WWOX: variants seen among roughly 807,000 people sequenced by gnomAD.
WWOX encodes the protein WW domain-containing oxidoreductase.
In WWOX, 69 loss-of-function variants were observed where a neutral mutation model predicts 46.2. The ratio of observed to expected loss-of-function variants is 1.49; its 90% CI spans 1.23 to 1.82. The LOEUF (loss-of-function observed/expected upper bound fraction) is 1.82. Among genes scored for constraint, WWOX ranks in the 40% most tolerant of loss-of-function variants. The pLI is 0.00. For missense variants in WWOX, 919 were observed against 542.6 expected (o/e 1.69, Z -6.89); for synonymous variants, 359 against 202.6 (o/e 1.77, Z -6.56).
rs987972953 is a variant in WWOX, at chr16:78,696,075, G to A, written c.1056+263323G>A. Among the ~76,000 whole-genome samples the A allele has an allele frequency of 6.6e-5, 10 of 152,160 alleles. 1 individual carries two copies. Among genetic ancestry groups the A allele is most frequent in the Admixed American group, 3.3e-4 (5 of 15,272 alleles). On this transcript the variant is annotated intron_variant, in intron 8 of 8. Coordinates refer to ENST00000566780, the MANE Select transcript of WWOX (RefSeq NM_016373.4). ...AGCTTTCTGGGTGATTCTGATACAC[G>A]GTCAAGTTTGAGATGTAGCAGGAGA...
chr16:78,645,915 T>A (rs914836049), intron 8 of WWOX, among the ~76,000 whole-genome samples: 2 of 152,158 alleles, frequency 1.3e-5, no homozygotes, highest in African/African-American at 2.4e-5. Flanking sequence ...CCTTGGCTGG[T>A]GGCCACATCT....
chr16:79,192,339 C>T (rs897490885), intron 8 of WWOX, among the ~76,000 whole-genome samples: 3 of 149,520 alleles, frequency 2.0e-5, no homozygotes, highest in Admixed American at 6.7e-5. Context: ...ATTCATTCAT[C>T]CACCCATCCA....
chr16:78,108,598 G>C (rs777531693), intron 2 of WWOX, 111 bp downstream of exon 2: 1 of 1,211,308 alleles, frequency 8.3e-7, no homozygotes, highest in Non-Finnish European at 1.2e-6. Flanking sequence ...CTCTCTGGTA[G>C]AGAACCAGAC....
chr16:78,440,114 A>G (rs1408978137), intron 8 of WWOX, among the ~76,000 whole-genome samples: 2 of 152,208 alleles, frequency 1.3e-5, no homozygotes, highest in African/African-American at 4.8e-5. Flanking sequence ...TTGAGGAAAA[A>G]GGATAGGGTA....
intron 8 of WWOX, among the ~76,000 whole-genome samples, chr16:78,761,001 A>G (rs2049778785): frequency 6.6e-6 from 1 of 152,148 alleles, no homozygotes; most frequent in Admixed American, 6.5e-5. Flanking sequence ...TCATGAGCAT[A>G]GCACAGGAAA....
intron 8 of WWOX, among the ~76,000 whole-genome samples, chr16:78,621,527 C>T (rs1250419697): frequency 6.9e-6 from 1 of 145,298 alleles, no homozygotes; most frequent in Non-Finnish European, 1.5e-5. Flanking sequence ...AGTCTCAGAA[C>T]TTGGCTTTTA....
At chr16:78,277,313 A>T (rs890660847) in intron 5 of WWOX, among the ~76,000 whole-genome samples, 3 of 152,148 alleles carry the variant, frequency 2.0e-5, no homozygotes, top group Non-Finnish European at 4.4e-5. Context: ...TAAGGGATGA[A>T]CGACTCTCTA....
chr16:78,619,133 T>TAAAAAAAAAAA (rs768370577), intron 8 of WWOX, among the ~76,000 whole-genome samples: 1 of 4,102 alleles, frequency 2.4e-4, no homozygotes, highest in African/African-American at 6.2e-4. Flanking sequence ...CCATTTCTAC[T>TAAAAAAAAAAA]AAAAAAAAAA....
chr16:78,599,854 G>T (rs190326271), intron 8 of WWOX, among the ~76,000 whole-genome samples: 1 of 152,292 alleles, frequency 6.6e-6, no homozygotes, highest in Admixed American at 6.5e-5. Context: ...GGAAGGGACA[G>T]TGAGCTCTCT....
chr16:78,856,917 C>T (rs914038385), intron 8 of WWOX, among the ~76,000 whole-genome samples: 1 of 152,192 alleles, frequency 6.6e-6, no homozygotes, highest in Non-Finnish European at 1.5e-5. Flanking sequence ...CTGCCATACT[C>T]CTAGGCTAGG....
intron 8 of WWOX, among the ~76,000 whole-genome samples, chr16:78,478,233 C>G (rs4887963): frequency 6.6e-6 from 1 of 152,134 alleles, no homozygotes; most frequent in African/African-American, 2.4e-5. Flanking sequence ...AAGGCTGTTA[C>G]AAAATACTGT....
intron 8 of WWOX, among the ~76,000 whole-genome samples, chr16:78,442,556 T>G (rs2151397565): frequency 6.6e-6 from 1 of 152,304 alleles, no homozygotes; most frequent in East Asian, 1.9e-4. Context: ...GTATTTGTCT[T>G]TCTGCGCCTG....
intron 8 of WWOX, among the ~76,000 whole-genome samples, chr16:78,761,786 A>G (rs1027841500): frequency 1.3e-5 from 2 of 152,180 alleles, no homozygotes; most frequent in Non-Finnish European, 2.9e-5. Flanking sequence ...GTGTGAGGAG[A>G]AAGATAATTG....
intron 6 of WWOX, among the ~76,000 whole-genome samples, chr16:78,410,998 C>T (rs533403618): frequency 3.7e-4 from 56 of 152,206 alleles, no homozygotes; most frequent in Middle Eastern, 3.4e-3. Context: ...CTTCATGGGG[C>T]AGTTGATAAC....
intron 8 of WWOX, among the ~76,000 whole-genome samples, chr16:78,907,607 GC>G (rs1489691396): frequency 1.3e-5 from 2 of 152,156 alleles, no homozygotes; most frequent in African/African-American, 4.8e-5. Context: ...GCAAGATGGG[GC>G]TAGGTTAGAT....
intron 5 of WWOX, among the ~76,000 whole-genome samples, chr16:78,386,168 C>T (rs148442020): frequency 6.6e-6 from 1 of 152,192 alleles, no homozygotes; most frequent in Non-Finnish European, 1.5e-5. Context: ...ATGGAGAAAA[C>T]ATTGTCTTTG....
intron 8 of WWOX, among the ~76,000 whole-genome samples, chr16:79,040,450 A>G (rs188238855): frequency 6.6e-6 from 1 of 151,958 alleles, no homozygotes; most frequent in Non-Finnish European, 1.5e-5. Flanking sequence ...ATTGTTTTGC[A>G]TCTTTGGTAG....
rs1165644688 is a variant in WWOX, at chr16:79,086,890, A to T, written c.1057-124718A>T. 3.3e-5 allele frequency among the ~76,000 whole-genome samples: 5 copies of T among 152,228 alleles called. No individual in the cohort carries two copies. The East Asian group carries it at 9.6e-4, about 29-fold the overall frequency. On this transcript the variant is annotated intron_variant, in intron 8 of 8. Coordinates refer to ENST00000566780, the MANE Select transcript of WWOX (RefSeq NM_016373.4). Reference sequence around the variant, plus strand: ...AGAGTGAGACCCTGTCCCAAAACAAAATAAAACAAAGAGTTTATGTGTTCA... The same window carrying T: ...AGAGTGAGACCCTGTCCCAAAACAATATAAAACAAAGAGTTTATGTGTTCA...
At position 78,464,085 on chromosome 16, in the gene WWOX, G is replaced by A. The variant is rs781333833; in HGVS notation, c.1056+31333G>A. ...AGCACACCCACACCAGTGACAACCG[G>A]TCAGGACCTGGGAAGGGCTCTGACC... On this transcript the variant is annotated intron_variant, in intron 8 of 8. Coordinates refer to ENST00000566780, the MANE Select transcript of WWOX (RefSeq NM_016373.4). Among the ~76,000 whole-genome samples the A allele has an allele frequency of 7.9e-5, 12 of 152,168 alleles. 1 individual carries two copies. The highest frequency in any genetic ancestry group is 1.6e-4 in the Non-Finnish European group (11 of 68,032).
Sources: allele counts gnomAD v4.1 joint callset (sites outside exome capture counted in the v4.1 genomes callset), GRCh38; gene constraint gnomAD v4.1.1; transcripts MANE v1.5; gene names NCBI Gene and HGNC (gene_info 2026-07-23, HGNC 2026-07-21).